The following FUT9 variants were observed in gnomAD, a reference collection of about 807,000 sequenced individuals.
The protein encoded by FUT9 is 4-galactosyl-N-acetylglucosaminide 3-alpha-L-fucosyltransferase 9.
FUT9 carries 15 observed loss-of-function variants against 29.7 expected under a neutral mutation model. The ratio of observed to expected loss-of-function variants is 0.51; its 90% CI spans 0.34 to 0.78. The LOEUF is 0.78. Among genes scored for constraint, FUT9 ranks in the 30% least tolerant of loss-of-function variants. The pLI is 0.01. For missense variants in FUT9, 319 were observed against 425.4 expected, an observed-to-expected ratio of 0.75 and a Z score of 2.20; for synonymous variants, 169 against 153.7, an observed-to-expected ratio of 1.10 and a Z score of -0.74.
intron 1 of FUT9, among the ~76,000 whole-genome samples, chr6:96,089,195 C>T (rs1368098232): frequency 6.6e-6 from 1 of 152,178 alleles, no homozygotes; most frequent in Non-Finnish European, 1.5e-5. Flanking sequence ...AGTTTTCATA[C>T]ACACATTTGC....
intron 2 of FUT9, among the ~76,000 whole-genome samples, chr6:96,162,449 T>C (rs553529048): frequency 8.5e-5 from 13 of 152,312 alleles, no homozygotes; most frequent in African/African-American, 2.9e-4. Flanking sequence ...TTGTTACCTA[T>C]AGTTAACCTA....
chr6:96,054,511 C>T (rs1770728544), intron 1 of FUT9, among the ~76,000 whole-genome samples: 1 of 152,114 alleles, frequency 6.6e-6, no homozygotes. Context: ...AAGAAAAATC[C>T]TTCTGCACTT....
At chr6:96,060,530 C>T (rs1411700284) in intron 1 of FUT9, among the ~76,000 whole-genome samples, 2 of 150,566 alleles carry the variant, frequency 1.3e-5, no homozygotes, top group African/African-American at 2.4e-5. Flanking sequence ...TAACTTTTTT[C>T]TTTTCTCTCT....
intron 1 of FUT9, among the ~76,000 whole-genome samples, chr6:96,106,213 C>CCCTTCCTTCCTTCCTTCCTT (rs58462407): frequency 0.27 from 37,011 of 136,964 alleles, 5,798 homozygotes; most frequent in Middle Eastern, 0.34. Context: ...AATCCATCAA[C>CCCTTCCTTCCTTCCTTCCTT]CCTTCCTTCC....
At chr6:96,101,419 G>A (rs1771583836) in intron 1 of FUT9, among the ~76,000 whole-genome samples, 1 of 151,656 alleles carries the variant, frequency 6.6e-6, no homozygotes, top group Non-Finnish European at 1.5e-5. Flanking sequence ...GGGGCTGGGG[G>A]GTGCCTGTAA....
At chr6:96,191,601 C>A (rs1773510050) in intron 2 of FUT9, among the ~76,000 whole-genome samples, 1 of 152,128 alleles carries the variant, frequency 6.6e-6, no homozygotes, top group African/African-American at 2.4e-5. Context: ...AGCTTACCAA[C>A]TAAAAAAAGT....
chr6:96,041,102 T>C (rs1003255280), intron 1 of FUT9, among the ~76,000 whole-genome samples: 2 of 151,600 alleles, frequency 1.3e-5, no homozygotes, highest in Non-Finnish European at 2.9e-5. Context: ...CCCCAGTTTT[T>C]CTCTCCTGTG....
intron 2 of FUT9, among the ~76,000 whole-genome samples, chr6:96,145,589 G>A (rs1461308852): frequency 6.6e-6 from 1 of 152,130 alleles, no homozygotes; most frequent in African/African-American, 2.4e-5. Context: ...GGAAGGGTAA[G>A]ATTATTTTTG....
intron 2 of FUT9, among the ~76,000 whole-genome samples, chr6:96,185,424 G>A (rs574357931): frequency 6.6e-6 from 1 of 152,174 alleles, no homozygotes; most frequent in East Asian, 1.9e-4. Context: ...ATGATTTCCA[G>A]TCAGAGCCTT....
rs191837878 is a variant in FUT9, at chr6:96,116,525, T to A, written c.-9+2398T>A. Among the ~76,000 whole-genome samples, 116 of 152,288 alleles carry A rather than the reference T, an allele frequency of 7.6e-4. 5 individuals carry two copies. The East Asian group carries it at 0.016, about 21-fold the overall frequency. ...GATTTCAATTGCCAAAATGTGGAAA[T>A]AACTAATATGTTGTCTTCAGCTGGT... is the stretch of plus-strand genomic sequence containing the variant. On this transcript the variant is annotated intron_variant, in intron 2 of 2. Coordinates refer to ENST00000302103, the MANE Select transcript of FUT9 (RefSeq NM_006581.4).
intron 1 of FUT9, among the ~76,000 whole-genome samples, chr6:96,108,560 C>G (rs1261562021): frequency 6.6e-6 from 1 of 152,108 alleles, no homozygotes; most frequent in East Asian, 1.9e-4. Flanking sequence ...TAATGAGAAT[C>G]AAGCTCTCAG....
intron 1 of FUT9, among the ~76,000 whole-genome samples, chr6:96,021,316 T>C (rs1016037114): frequency 6.6e-6 from 1 of 151,906 alleles, no homozygotes; most frequent in Non-Finnish European, 1.5e-5. Context: ...CAGGAACCTA[T>C]TAGTAGTATG....
intron 2 of FUT9, among the ~76,000 whole-genome samples, chr6:96,191,164 C>T (rs1485033683): frequency 6.6e-6 from 1 of 152,034 alleles, no homozygotes; most frequent in Admixed American, 6.6e-5. Flanking sequence ...TGGAGGTCCA[C>T]TCTAGACCCT....
At chr6:96,136,509 A>G (rs1277276163) in intron 2 of FUT9, among the ~76,000 whole-genome samples, 1 of 151,976 alleles carries the variant, frequency 6.6e-6, no homozygotes, top group Non-Finnish European at 1.5e-5. Context: ...GTTATGAGCT[A>G]ATTTATGCTT....
rs188600920 is a variant in FUT9 at position 96,082,696 on chromosome 6, T to G, written c.-97-31343T>G. Among the ~76,000 whole-genome samples, 370 of 152,074 alleles carry G rather than the reference T, an allele frequency of 2.4e-3. 1 individual carries two copies. Among genetic ancestry groups the G allele is most frequent in the Non-Finnish European group, 3.5e-3 (238 of 67,848 alleles). ...ATTAGTTTTCAATTTTCTTAAAATC[T>G]TTAAACAATTACATTGAACCTATCT... On this transcript the variant is annotated intron_variant, in intron 1 of 2. Coordinates refer to ENST00000302103, the MANE Select transcript of FUT9 (RefSeq NM_006581.4).
chr6:96,189,089 G>T (rs892195597), intron 2 of FUT9, among the ~76,000 whole-genome samples: 1 of 152,046 alleles, frequency 6.6e-6, no homozygotes, highest in Non-Finnish European at 1.5e-5. Flanking sequence ...GTGTGTTGGG[G>T]GAAGGTTGGG....
intron 1 of FUT9, among the ~76,000 whole-genome samples, chr6:96,102,055 G>T (rs1771595466): frequency 6.6e-6 from 1 of 152,026 alleles, no homozygotes; most frequent in Admixed American, 6.5e-5. Flanking sequence ...ATAATCAGAG[G>T]TTATTTCAAT....
chr6:96,195,563 C>T (rs920813301), intron 2 of FUT9, among the ~76,000 whole-genome samples: 1 of 151,940 alleles, frequency 6.6e-6, no homozygotes, highest in Non-Finnish European at 1.5e-5. Flanking sequence ...GGAGGAATGC[C>T]CATTAGAGAG....
rs527421440 is a variant in FUT9, at chr6:96,100,482, A to C, written c.-97-13557A>C. On this transcript the variant is annotated intron_variant, in intron 1 of 2. Coordinates refer to ENST00000302103, the MANE Select transcript of FUT9 (RefSeq NM_006581.4). ...AGGATTTAAAGATGAAACTTTATAA[A>C]GTGAGAAAGATTTCACTTTTGTCTT... Among the ~76,000 whole-genome samples the C allele has an allele frequency of 2.8e-3, 428 of 152,322 alleles. 2 individuals are homozygous for C. The highest frequency in any genetic ancestry group is 1.0e-2 in the African/African-American group (414 of 41,584).
Sources: allele counts gnomAD v4.1 joint callset (sites outside exome capture counted in the v4.1 genomes callset), GRCh38; gene constraint gnomAD v4.1.1; transcripts MANE v1.5; gene names NCBI Gene and HGNC (gene_info 2026-07-23, HGNC 2026-07-21).